The following CLMP variants were observed in gnomAD, a reference collection of about 807,000 sequenced individuals.
CLMP encodes CXADR like cell adhesion molecule.
Under a neutral mutation model 45.2 loss-of-function variants are expected in CLMP, and 27 were observed. The observed-to-expected ratio is 0.60, with a 90% confidence interval of 0.44 to 0.82. The LOEUF is 0.82. CLMP is among the 40% of genes least tolerant of loss of function. The pLI, the probability that CLMP is intolerant of heterozygous loss-of-function variation, is 0.00. For missense variants in CLMP, 403 were observed against 448.4 expected, an observed-to-expected ratio of 0.90 and a Z score of 0.91; for synonymous variants, 167 against 171.4, an observed-to-expected ratio of 0.97 and a Z score of 0.20.
At chr11:123,177,540 G>A (rs1392991489) in intron 1 of CLMP, among the ~76,000 whole-genome samples, 1 of 152,176 alleles carries the variant, frequency 6.6e-6, no homozygotes. Flanking sequence ...AGCCAAACAG[G>A]GCTGTAAACA....
rs150844472 is a variant in CLMP at position 123,097,345 on chromosome 11, T to G, written c.186+450A>C. 8.3e-3 allele frequency among the ~76,000 whole-genome samples: 1,268 copies of G among 152,030 alleles called. 13 individuals carry two copies. Among genetic ancestry groups the G allele is most frequent in the African/African-American group, 0.027 (1,138 of 41,462 alleles). ...CACATCTGGCTAATTTTTCTTTCTT[T>G]CTTTTTTTTTGAGATGGAGTCTTGC... On this transcript the variant is annotated intron_variant, in intron 2 of 6. Coordinates refer to ENST00000448775, the MANE Select transcript of CLMP (RefSeq NM_024769.5).
At chr11:123,099,496 A>G (rs1866029939) in intron 1 of CLMP, among the ~76,000 whole-genome samples, 2 of 152,250 alleles carry the variant, frequency 1.3e-5, no homozygotes, top group South Asian at 4.1e-4. Context: ...TATTAGAAAC[A>G]GAGTATGTAA....
At chr11:123,116,888 C>G (rs1293384477) in intron 1 of CLMP, among the ~76,000 whole-genome samples, 1 of 152,126 alleles carries the variant, frequency 6.6e-6, no homozygotes, top group East Asian at 1.9e-4. Context: ...TTCCCTATGA[C>G]AAATTCCAGG....
At chr11:123,114,482 T>TC (rs1246276940) in intron 1 of CLMP, among the ~76,000 whole-genome samples, 1 of 148,242 alleles carries the variant, frequency 6.7e-6, no homozygotes, top group Non-Finnish European at 1.5e-5. Context: ...CTTTTTTTTT[T>TC]TTTGAGATGG....
chr11:123,174,419 C>T (rs546232772), intron 1 of CLMP, among the ~76,000 whole-genome samples: 4 of 152,316 alleles, frequency 2.6e-5, no homozygotes, highest in South Asian at 2.1e-4. Context: ...CTGGACTAGG[C>T]GACATCCTAT....
chr11:123,088,175 G>T (rs1044098245), intron 2 of CLMP, among the ~76,000 whole-genome samples: 7 of 152,106 alleles, frequency 4.6e-5, no homozygotes, highest in African/African-American at 1.7e-4. Context: ...CTCCCAAAGT[G>T]CTGGGATTAC....
At chr11:123,179,309 T>C (rs376549839) in intron 1 of CLMP, among the ~76,000 whole-genome samples, 6 of 152,184 alleles carry the variant, frequency 3.9e-5, no homozygotes, top group Admixed American at 6.5e-5. Flanking sequence ...GGAGGATGCA[T>C]GATCATCTTT....
At chr11:123,119,628 C>G (rs1183932683) in intron 1 of CLMP, among the ~76,000 whole-genome samples, 1 of 152,134 alleles carries the variant, frequency 6.6e-6, no homozygotes, top group Non-Finnish European at 1.5e-5. Context: ...GTAAGTCTGT[C>G]TCACAGTGAC....
At chr11:123,151,711 T>G (rs1861339343) in intron 1 of CLMP, among the ~76,000 whole-genome samples, 1 of 152,222 alleles carries the variant, frequency 6.6e-6, no homozygotes, top group Non-Finnish European at 1.5e-5. Context: ...AAGAATCTGA[T>G]CAATTAATTC....
intron 1 of CLMP, among the ~76,000 whole-genome samples, chr11:123,106,420 TGTGTGCGC>T (rs1261492713): frequency 0.011 from 1,147 of 106,860 alleles, 8 homozygotes; most frequent in Non-Finnish European, 0.013. Context: ...TGTGTGTGTG[TGTGTGCGC>T]GCGCGCGCGC....
intron 1 of CLMP, among the ~76,000 whole-genome samples, chr11:123,129,358 GATATATTATATAAAATATATAT>G (rs1860948450): frequency 4.3e-5 from 5 of 115,958 alleles, no homozygotes; most frequent in Admixed American, 1.9e-4. Context: ...TATATCATAT[GATATATTATATAAAATATATAT>G]CATATGATAT....
At chr11:123,118,893 G>A (rs1053334024) in intron 1 of CLMP, among the ~76,000 whole-genome samples, 5 of 149,826 alleles carry the variant, frequency 3.3e-5, no homozygotes, top group African/African-American at 1.2e-4. Flanking sequence ...TCTTGCCAGG[G>A]GATTGTCTTC....
intron 1 of CLMP, among the ~76,000 whole-genome samples, chr11:123,127,758 C>T (rs1323963804): frequency 3.3e-5 from 5 of 152,004 alleles, no homozygotes; most frequent in Non-Finnish European, 5.9e-5. Context: ...GTAACGTGGC[C>T]GGGCACGGTG....
chr11:123,074,829 C>G lies in CLMP; in HGVS notation c.694G>C (p.Gly232Arg). ...CCTGTCACTGCTCCTGCAACCATGC[C>G]GATGCTTTGTACATCTATTTTCTCA... ...RVTVQYVQSI[G>R]MVAGAVTGIV... The change falls in exon 6 of 7, where the codon GGC (glycine) becomes CGC (arginine). Residue 232 changes from glycine to arginine, a missense_variant. Coordinates refer to ENST00000448775, the MANE Select transcript of CLMP (RefSeq NM_024769.5). 3 of 1,613,572 alleles carry G rather than the reference C, an allele frequency of 1.9e-6. No homozygotes were observed. The highest frequency in any genetic ancestry group is 1.1e-5 in the South Asian group (1 of 91,050).
intron 1 of CLMP, among the ~76,000 whole-genome samples, chr11:123,160,432 A>T (rs10790557): frequency 0.61 from 92,236 of 151,880 alleles, 28,258 homozygotes; most frequent in South Asian, 0.71. Context: ...CACTGCACTT[A>T]TTAATGATTT....
intron 1 of CLMP, among the ~76,000 whole-genome samples, chr11:123,114,560 C>T (rs1433845236): frequency 5.3e-5 from 8 of 151,216 alleles, no homozygotes; most frequent in Admixed American, 5.3e-4. Context: ...CCTCCTTGGC[C>T]TTCCAAAGGG....
At chr11:123,082,560 C>T (rs574710269) in intron 5 of CLMP, among the ~76,000 whole-genome samples, 182 of 151,442 alleles carry the variant, frequency 1.2e-3, no homozygotes, top group African/African-American at 3.8e-3. Flanking sequence ...CTCGGCCTCC[C>T]GAAGTGCTGG....
At chr11:123,123,335 C>G (rs1860844965) in intron 1 of CLMP, among the ~76,000 whole-genome samples, 1 of 147,678 alleles carries the variant, frequency 6.8e-6, no homozygotes, top group African/African-American at 2.5e-5. Context: ...TCTTGGCTCA[C>G]TGCAGCCTCC....
intron 1 of CLMP, among the ~76,000 whole-genome samples, chr11:123,167,225 A>T (rs967362121): frequency 6.6e-6 from 1 of 152,196 alleles, no homozygotes; most frequent in Non-Finnish European, 1.5e-5. Context: ...AGAGAAGTTC[A>T]ACTTGTTCAA....
Sources: gnomAD v4.1 joint callset for allele counts (sites outside exome capture counted in the v4.1 genomes callset) on GRCh38, gnomAD v4.1.1 for gene constraint, MANE v1.5 for transcripts, NCBI Gene and HGNC (gene_info 2026-07-23, HGNC 2026-07-21) for gene names.